The following RBM34 variants were observed in gnomAD, a reference collection of about 807,000 sequenced individuals.
RBM34 encodes RNA-binding protein 34.
In RBM34, 39 loss-of-function variants were observed where a neutral mutation model predicts 44.6. The ratio of observed to expected loss-of-function variants is 0.87; its 90% CI spans 0.68 to 1.14. RBM34 has a LOEUF of 1.14. Among genes scored for constraint, RBM34 ranks in the 50% most tolerant of loss-of-function variants. The pLI is 0.00. For synonymous variants in RBM34, 194 were observed against 184.0 expected, an observed-to-expected ratio of 1.05 and a Z score of -0.44; for missense variants, 572 against 517.9, an observed-to-expected ratio of 1.10 and a Z score of -1.01.
chr1:235,160,046 G>C (rs1558151666), intron 3 of RBM34: 2 of 252,092 alleles, frequency 7.9e-6, no homozygotes, highest in East Asian at 1.8e-4. Flanking sequence ...TTGAGGTCAG[G>C]AGTTCCAGAC....
intron 3 of RBM34, among the ~76,000 whole-genome samples, chr1:235,159,968 T>C (rs1289796348): frequency 2.6e-5 from 4 of 151,498 alleles, no homozygotes; most frequent in African/African-American, 9.7e-5. Context: ...AATAATGAGG[T>C]GGTAGCTGGG....
intron 5 of RBM34, 34 bp downstream of exon 5, chr1:235,152,672 A>G: frequency 6.3e-7 from 1 of 1,593,074 alleles, no homozygotes; most frequent in Non-Finnish European, 8.5e-7. Flanking sequence ...ATAAATTTTA[A>G]TATTATGTAA....
chr1:235,137,503 T>C (rs978786893), intron 8 of RBM34, among the ~76,000 whole-genome samples: 9 of 151,706 alleles, frequency 5.9e-5, no homozygotes, highest in African/African-American at 1.9e-4. Flanking sequence ...GCCTTCTGAG[T>C]AGCTGGGACT....
intron 3 of RBM34, among the ~76,000 whole-genome samples, chr1:235,158,637 T>C (rs143222530): frequency 0.011 from 1,705 of 152,116 alleles, 31 homozygotes; most frequent in African/African-American, 0.036. Flanking sequence ...GGACAAAAAG[T>C]AGCAGTTCCC....
At chr1:235,149,047 C>T (rs371519949) in intron 5 of RBM34, among the ~76,000 whole-genome samples, 1 of 151,938 alleles carries the variant, frequency 6.6e-6, no homozygotes, top group Non-Finnish European at 1.5e-5. Flanking sequence ...ATGACTCCTA[C>T]AGGGAGGACT....
chr1:235,161,188 T>C lies in RBM34; in HGVS notation c.39A>G (p.Arg13=), dbSNP rs373027315. The change falls in exon 1 of 11, where the codon AGA becomes AGG. Residue 13 remains arginine, a synonymous_variant. Transcript: ENST00000408888. ...LEGMSKRKRK[R]SVQEGENPDD... is the part of the protein sequence containing the mutation. ...GCGCCACTCACCCCTCCTGGACACT[T>C]CTCTTTCTCTTCCGTTTGCTCATCC... 5.6e-6 allele frequency: 9 copies of C among 1,607,958 alleles called. No individual in the cohort carries two copies. The highest frequency in any genetic ancestry group is 2.7e-5 in the African/African-American group (2 of 74,706).
intron 6 of RBM34, among the ~76,000 whole-genome samples, chr1:235,142,649 C>A (rs777711408): frequency 6.6e-6 from 1 of 151,914 alleles, no homozygotes; most frequent in Admixed American, 6.6e-5. Context: ...CACCTCTGGG[C>A]GTGTGTGGTG....
Position 235,161,209 on chromosome 1 carries a change from C to A in RBM34, c.18G>T (p.Met6Ile), listed in dbSNP as rs370358826. 1.2e-6 allele frequency: 2 copies of A among 1,611,714 alleles called. No individual in the cohort carries two copies. Among genetic ancestry groups the A allele is most frequent in the Admixed American group, 1.7e-5 (1 of 59,508 alleles). The change falls in exon 1 of 11, where the codon ATG becomes ATT. Residue 6 changes from methionine to isoleucine, a missense_variant. Met to Ile is a conservative substitution (Grantham distance 10). Transcript: ENST00000408888. MALEG[M>I]SKRKRKRSVQ... ...CACTTCTCTTTCTCTTCCGTTTGCT[C>A]ATCCCTTCCAAGGCCATTCTTACTC...
At chr1:235,133,906 C>T (rs895709204) in intron 10 of RBM34, among the ~76,000 whole-genome samples, 7 of 152,014 alleles carry the variant, frequency 4.6e-5, no homozygotes, top group Non-Finnish European at 7.4e-5. Context: ...TCTGTCAGTT[C>T]GGCTGGAGTG....
In RBM34 at chr1:235,137,869, C is replaced by CTACT; in HGVS notation, c.849+4_849+7dup. The CTACT allele has an allele frequency of 6.3e-7, 1 of 1,580,780 alleles. No homozygotes were observed. Among genetic ancestry groups the CTACT allele is most frequent in the Non-Finnish European group, 8.7e-7 (1 of 1,154,516 alleles). ...TCTCGTTCTTTAAACAAATCAAGTA[C>CTACT]TACTTACAGATGAGGTCTCAGATGC... On this transcript the variant is annotated splice_region_variant and intron_variant, in intron 8 of 10. Transcript: ENST00000408888.
intron 6 of RBM34, among the ~76,000 whole-genome samples, chr1:235,139,480 G>A (rs1267369189): frequency 2.0e-5 from 3 of 152,074 alleles, no homozygotes; most frequent in Non-Finnish European, 2.9e-5. Flanking sequence ...ACGTGACTGC[G>A]ATGAAATGGC....
chr1:235,133,926 A>T (rs1661310590), intron 10 of RBM34, among the ~76,000 whole-genome samples: 1 of 152,098 alleles, frequency 6.6e-6, no homozygotes, highest in Admixed American at 6.6e-5. Context: ...GCAGTGGTGC[A>T]ATCATGGCTC....
chr1:235,160,112 G>C (rs1234465808), intron 3 of RBM34: 5 of 321,364 alleles, frequency 1.6e-5, no homozygotes, highest in African/African-American at 8.7e-5. Flanking sequence ...AAATTAGCTG[G>C]GCATGGTGAC....
intron 6 of RBM34, among the ~76,000 whole-genome samples, chr1:235,141,517 G>C (rs1014728074): frequency 5.3e-4 from 81 of 152,284 alleles, no homozygotes; most frequent in African/African-American, 1.9e-3. Flanking sequence ...GCAGGATGTG[G>C]GTGGGGCCAG....
At chr1:235,144,694 C>G (rs1661830892) in intron 6 of RBM34, among the ~76,000 whole-genome samples, 2 of 152,084 alleles carry the variant, frequency 1.3e-5, no homozygotes, top group African/African-American at 4.8e-5. Flanking sequence ...CTATAGTGGA[C>G]TATGACTGAG....
intron 6 of RBM34, 29 bp from the exon 7 acceptor site, chr1:235,138,203 G>T: frequency 6.6e-7 from 1 of 1,512,078 alleles, no homozygotes; most frequent in South Asian, 1.2e-5. Flanking sequence ...AAGAAAGAAA[G>T]AAAAGAGAGA....
chr1:235,138,279 C>A, intron 6 of RBM34, 105 bp from the exon 7 acceptor site: 2 of 797,166 alleles, frequency 2.5e-6, no homozygotes, highest in South Asian at 1.9e-5. Context: ...TCTTAACACA[C>A]ATGACAAGAA....
chr1:235,137,414 G>T (rs1383294543), intron 8 of RBM34, among the ~76,000 whole-genome samples: 1 of 152,148 alleles, frequency 6.6e-6, no homozygotes, highest in Non-Finnish European at 1.5e-5. Flanking sequence ...GCCCTCTGTT[G>T]CCCAGGCTAG....
intron 6 of RBM34, among the ~76,000 whole-genome samples, chr1:235,144,995 A>T (rs1455038505): frequency 6.6e-6 from 1 of 152,200 alleles, no homozygotes; most frequent in Non-Finnish European, 1.5e-5. Flanking sequence ...GTGAGCTGAG[A>T]TCACGCCATT....
Sources: gnomAD v4.1 joint callset for allele counts (sites outside exome capture counted in the v4.1 genomes callset) on GRCh38, gnomAD v4.1.1 for gene constraint, MANE v1.5 for transcripts, NCBI Gene and HGNC (gene_info 2026-07-23, HGNC 2026-07-21) for gene names.